WWP2: variants seen among roughly 807,000 people sequenced by gnomAD.
The protein encoded by WWP2 is WW domain containing E3 ubiquitin protein ligase 2.
Under a neutral mutation model 121.0 loss-of-function variants are expected in WWP2, and 57 were observed. The ratio of observed to expected loss-of-function variants is 0.47; its 90% CI spans 0.38 to 0.59. The LOEUF is 0.59. WWP2 is among the 20% of genes least tolerant of loss of function. The pLI is 0.00. For missense variants in WWP2, 962 were observed against 1,158.9 expected, an observed-to-expected ratio of 0.83 and a Z score of 2.47; for synonymous variants, 449 against 441.3, an observed-to-expected ratio of 1.02 and a Z score of -0.22.
At chr16:69,840,890 C>A (rs907608014) in intron 5 of WWP2, among the ~76,000 whole-genome samples, 1 of 152,130 alleles carries the variant, frequency 6.6e-6, no homozygotes, top group South Asian at 2.1e-4. Flanking sequence ...TGGCACTTTC[C>A]AGACACCAAG....
chr16:69,767,549 A>C (rs1404397383), intron 1 of WWP2, among the ~76,000 whole-genome samples: 1 of 152,212 alleles, frequency 6.6e-6, no homozygotes, highest in African/African-American at 2.4e-5. Flanking sequence ...GGAATTTACC[A>C]GGTAAAGAAA....
intron 6 of WWP2, among the ~76,000 whole-genome samples, chr16:69,850,167 A>G (rs995166137): frequency 5.3e-5 from 8 of 152,138 alleles, no homozygotes; most frequent in African/African-American, 1.9e-4. Flanking sequence ...TGGGCAGATC[A>G]TGAGGTCAGG....
At chr16:69,778,254 CT>C (rs750375020) in intron 1 of WWP2, among the ~76,000 whole-genome samples, 15 of 143,288 alleles carry the variant, frequency 1.0e-4, no homozygotes, top group Non-Finnish European at 1.9e-4. Flanking sequence ...GACATTTTGA[CT>C]TTCCCATCCC....
At chr16:69,785,410 T>C (rs994687076) in intron 1 of WWP2, among the ~76,000 whole-genome samples, 3 of 152,292 alleles carry the variant, frequency 2.0e-5, no homozygotes, top group Middle Eastern at 6.8e-3. Context: ...ATGAGATCAG[T>C]GGTGACATTC....
chr16:69,839,282 G>C (rs1005220013), intron 4 of WWP2, among the ~76,000 whole-genome samples: 1 of 152,194 alleles, frequency 6.6e-6, no homozygotes, highest in Non-Finnish European at 1.5e-5. Flanking sequence ...TGAACTGAAG[G>C]CCATAGCTCC....
At chr16:69,847,444 T>C (rs919940113) in intron 6 of WWP2, among the ~76,000 whole-genome samples, 1 of 151,184 alleles carries the variant, frequency 6.6e-6, no homozygotes, top group Non-Finnish European at 1.5e-5. Context: ...AGTTTCACTC[T>C]TGTTGCCCAG....
intron 9 of WWP2, 32 bp downstream of exon 9, chr16:69,908,882 T>C: frequency 1.2e-6 from 2 of 1,613,944 alleles, no homozygotes; most frequent in East Asian, 2.2e-5. Context: ...CCTGAGACTC[T>C]GGAACTGACA....
intron 21 of WWP2, 115 bp from the exon 22 acceptor site, chr16:69,938,911 TG>T: frequency 1.1e-6 from 1 of 874,110 alleles, no homozygotes; most frequent in Non-Finnish European, 1.8e-6. Flanking sequence ...CTGGCCAACC[TG>T]GCTTTGTGTT....
chr16:69,798,284 G>A (rs1309449607), intron 2 of WWP2, among the ~76,000 whole-genome samples: 2 of 152,212 alleles, frequency 1.3e-5, no homozygotes, highest in African/African-American at 4.8e-5. Flanking sequence ...ATTGCAAGCA[G>A]TCTATTCGAC....
At chr16:69,874,464 C>T (rs28583989) in intron 7 of WWP2, among the ~76,000 whole-genome samples, 1,537 of 152,306 alleles carry the variant, frequency 0.01, 33 homozygotes, top group African/African-American at 0.034. Context: ...TTTGGCTGCG[C>T]ACTGCAGTTA....
At position 69,820,351 on chromosome 16, in the gene WWP2, C is replaced by T. The variant is rs536671723; in HGVS notation, c.341-19775C>T. Among the ~76,000 whole-genome samples the T allele has an allele frequency of 7.0e-3, 1,066 of 152,250 alleles. 5 individuals carry two copies. The highest frequency in any genetic ancestry group is 0.012 in the Non-Finnish European group (817 of 68,018). ...CCGCCTCCTGGGTTCAAGTGATTCT[C>T]CTGCCTCCGCCTCCTGAGTAGCTGG... On this transcript the variant is annotated intron_variant, in intron 4 of 23. Transcript: ENST00000359154.
chr16:69,878,741 G>A (rs746961480), intron 7 of WWP2, among the ~76,000 whole-genome samples: 1 of 152,198 alleles, frequency 6.6e-6, no homozygotes, highest in South Asian at 2.1e-4. Context: ...TGCAGTTAAT[G>A]TTCCATAATT....
intron 4 of WWP2, among the ~76,000 whole-genome samples, chr16:69,814,193 C>T (rs1414387767): frequency 6.6e-6 from 1 of 152,026 alleles, no homozygotes; most frequent in African/African-American, 2.4e-5. Context: ...CAAGGTCTTG[C>T]TCTGTCGTCT....
intron 6 of WWP2, among the ~76,000 whole-genome samples, chr16:69,844,837 A>G (rs990802705): frequency 1.3e-5 from 2 of 152,208 alleles, no homozygotes; most frequent in African/African-American, 4.8e-5. Context: ...GGCCTCTGCC[A>G]TCTAAGTAAC....
chr16:69,830,518 A>G (rs1191958393), intron 4 of WWP2, among the ~76,000 whole-genome samples: 1 of 152,208 alleles, frequency 6.6e-6, no homozygotes, highest in Non-Finnish European at 1.5e-5. Flanking sequence ...TAATTTAGCA[A>G]TGATAAAGGG....
At chr16:69,916,392 G>C (rs761807681) in intron 9 of WWP2, among the ~76,000 whole-genome samples, 1 of 152,098 alleles carries the variant, frequency 6.6e-6, no homozygotes, top group African/African-American at 2.4e-5. Flanking sequence ...GTAGAGATGG[G>C]GGTCTCCCTC....
intron 1 of WWP2, among the ~76,000 whole-genome samples, chr16:69,768,447 A>G (rs1246525399): frequency 6.6e-6 from 1 of 152,042 alleles, no homozygotes; most frequent in South Asian, 2.1e-4. Flanking sequence ...CGTCTCTACT[A>G]AAAATACAAA....
chr16:69,824,039 G>A (rs1164606350), intron 4 of WWP2, among the ~76,000 whole-genome samples: 1 of 152,172 alleles, frequency 6.6e-6, no homozygotes, highest in Non-Finnish European at 1.5e-5. Context: ...GCCTGAATGT[G>A]AGCTGTTTCC....
At chr16:69,881,321 G>A (rs2057825170) in intron 7 of WWP2, among the ~76,000 whole-genome samples, 1 of 152,218 alleles carries the variant, frequency 6.6e-6, no homozygotes, top group Non-Finnish European at 1.5e-5. Flanking sequence ...ACCTCTCTGA[G>A]TGGTCCCTCT....
Sources: gnomAD v4.1 joint callset for allele counts (sites outside exome capture counted in the v4.1 genomes callset) on GRCh38, gnomAD v4.1.1 for gene constraint, MANE v1.5 for transcripts, NCBI Gene and HGNC (gene_info 2026-07-23, HGNC 2026-07-21) for gene names.